The following FGA variants were observed in gnomAD, a reference collection of about 807,000 sequenced individuals.
FGA encodes fibrinogen alpha chain, also known as fibrinogen, A alpha polypeptide.
Under a neutral mutation model 20.3 loss-of-function variants are expected in FGA, and 20 were observed. That is an observed-to-expected ratio of 0.99 (90% CI 0.69 to 1.43). FGA has a LOEUF of 1.43. Ranked by LOEUF, FGA falls within the 40% of genes most tolerant of loss-of-function variation. The pLI, the probability that FGA is intolerant of heterozygous loss-of-function variation, is 0.00. For missense variants in FGA, 777 were observed against 784.7 expected (o/e 0.99, Z 0.12); for synonymous variants, 306 against 281.6 (o/e 1.09, Z -0.87).
chr4:154,583,940 T>C (rs546734699), downstream of FGA: 23 of 612,220 alleles, frequency 3.8e-5, no homozygotes, highest in Admixed American at 8.8e-5. Context: ...AAAAAAAACC[T>C]TACATAACTT....
downstream of FGA, chr4:154,584,761 G>T: frequency 6.2e-7 from 1 of 1,614,074 alleles, no homozygotes; most frequent in Non-Finnish European, 8.5e-7. Context: ...AATCTTACTG[G>T]ATCCCGGTAG....
downstream of FGA, chr4:154,583,930 A>T (rs145679833): frequency 1.7e-3 from 990 of 595,578 alleles, 6 homozygotes; most frequent in African/African-American, 0.015. Context: ...ATTTAAAGAT[A>T]AAAAAAACCT....
In FGA at chr4:154,585,822, A is replaced by T; in HGVS notation, c.1607T>A (p.Met536Lys). 6.2e-7 allele frequency: 1 copy of T among 1,614,112 alleles called. No homozygotes were observed. The highest frequency in any genetic ancestry group is 8.5e-7 in the Non-Finnish European group (1 of 1,179,996). Residue 536 changes from methionine (M) to lysine (K), a missense_variant, in exon 5 of 5, where the codon ATG becomes AAG. Met to Lys is a moderately conservative substitution (Grantham distance 95). Coordinates refer to ENST00000403106, the MANE Select transcript of FGA (RefSeq NM_021871.4). Reference protein sequence around the residue: ...GKTFPGFFSPMLGEFVSETES... With the variant: ...GKTFPGFFSPKLGEFVSETES... ...AGTCTCACTGACAAACTCTCCTAAC[A>T]TAGGTGAGAAGAAACCTGGGAATGT...
chr4:154,589,693 G>T, intron 1 of FGA, 131 bp from the exon 2 acceptor site: 1 of 952,082 alleles, frequency 1.1e-6, no homozygotes, highest in Non-Finnish European at 1.7e-6. Flanking sequence ...CAGACACAGG[G>T]CTTCGGCAAG....
chr4:154,584,198 A>T, downstream of FGA: 1 of 1,611,776 alleles, frequency 6.2e-7, no homozygotes, highest in Middle Eastern at 1.7e-4. Flanking sequence ...AAGGAAACCC[A>T]GACCACTCCA....
rs1730794451 is a variant in FGA, at chr4:154,588,640, C to T, written c.364+153G>A. Among the ~76,000 whole-genome samples the T allele has an allele frequency of 2.0e-5, 3 of 152,008 alleles. 1 individual carries two copies. The South Asian group carries it at 6.2e-4, about 32-fold the overall frequency. On this transcript the variant is annotated intron_variant, in intron 3 of 4. Coordinates refer to ENST00000403106, the MANE Select transcript of FGA (RefSeq NM_021871.4). ...GAAAAAATAACGAAAACAAAAGCTC[C>T]CTCTTAAAATTTTCAGGGATATTAT...
chr4:154,585,772 T>A lies in FGA; in HGVS notation c.1657A>T (p.Ile553Phe). 1 of 1,614,206 alleles carries A rather than the reference T, an allele frequency of 6.2e-7. No individual in the cohort carries two copies. Among genetic ancestry groups the A allele is most frequent in the South Asian group, 1.1e-5 (1 of 91,086 alleles). The change falls in exon 5 of 5, where the codon ATC (isoleucine) becomes TTC (phenylalanine). Residue 553 changes from isoleucine (I) to phenylalanine (F), a missense_variant. Coordinates refer to ENST00000403106, the MANE Select transcript of FGA (RefSeq NM_021871.4). ...ETESRGSESG[I>F]FTNTKESSSH... ...CTGGATTCCTTTGTATTTGTGAAGA[T>A]GCCAGATTCTGAGCCCCTAGACTCA...
At chr4:154,588,684 A>C (rs1178326220) in intron 3 of FGA, 109 bp downstream of exon 3, 5 of 845,720 alleles carry the variant, frequency 5.9e-6, no homozygotes, top group Non-Finnish European at 8.0e-6. Context: ...GTGTTTCTAC[A>C]CTAAGTACTT....
Position 154,586,493 on chromosome 4 carries a change from G to A in FGA, c.936C>T (p.Ser312=). The A allele has an allele frequency of 6.2e-7, 1 of 1,613,944 alleles. No homozygotes were observed. Among genetic ancestry groups the A allele is most frequent in the Non-Finnish European group, 8.5e-7 (1 of 1,180,004 alleles). Residue 312 remains serine (S), a synonymous_variant, in exon 5 of 5, where the codon AGC becomes AGT. Coordinates refer to ENST00000403106, the MANE Select transcript of FGA (RefSeq NM_021871.4). The part of the protein sequence containing the change: ...PGSTGNRNPG[S]SGTGGTATWK... The stretch of plus-strand genomic sequence containing the variant: ...AGGTTGCAGTCCCTCCAGTCCCAGA[G>A]CTCCCAGGGTTTCGGTTTCCAGTAC...
rs1730718395 is a variant in FGA, at chr4:154,586,391, GT to G, written c.1037del (p.Asn346ThrfsTer75). ...SGSSGTGSTG[N>X]QNPGSPRPGS... ...CAGGTCTAGGGCTCCCAGGGTTTTG[GT>G]TTCCAGTACTTCCAGTTCCAGAGCT... On this transcript the variant is annotated frameshift_variant, in exon 5 of 5. Transcript: ENST00000403106. LOFTEE classifies it low-confidence loss of function (END_TRUNC). 1.2e-6 allele frequency: 2 copies of G among 1,613,970 alleles called. No individual in the cohort carries two copies. The highest frequency in any genetic ancestry group is 1.7e-5 in the Admixed American group (1 of 59,996).
At position 154,585,968 on chromosome 4, in the gene FGA, A is replaced by G. The variant is rs1321751819; in HGVS notation, c.1461T>C (p.Asp487=). 1 of 1,614,204 alleles carries G rather than the reference A, an allele frequency of 6.2e-7. No individual in the cohort carries two copies. Among genetic ancestry groups the G allele is most frequent in the Non-Finnish European group, 8.5e-7 (1 of 1,180,036 alleles). ...CCATTGCCTCGGGACAGTCAGAACC[A>G]TCTTCGGAGGTCACCACTTCTTTGG... ...EVTKEVVTSE[D]GSDCPEAMDL... The change falls in exon 5 of 5, where the codon GAT becomes GAC. Residue 487 remains aspartate, a synonymous_variant. Coordinates refer to ENST00000403106, the MANE Select transcript of FGA (RefSeq NM_021871.4).
chr4:154,584,548 A>G (rs1730662429), downstream of FGA: 2 of 1,613,996 alleles, frequency 1.2e-6, no homozygotes, highest in Middle Eastern at 3.3e-4. Context: ...CTCTAATTCA[A>G]CCCTAAGAAC....
Position 154,586,106 on chromosome 4 carries a change from C to T in FGA, c.1323G>A (p.Glu441=), listed in dbSNP as rs1730706427. 4 of 1,614,168 alleles carry T rather than the reference C, an allele frequency of 2.5e-6. No individual in the cohort carries two copies. The South Asian group carries it at 3.3e-5, about 13-fold the overall frequency. ...EKLVTSKGDK[E]LRTGKEKVTS... ...TGACCTTCTCTTTACCAGTCCTGAG[C>T]TCTTTATCTCCTTTAGAAGTGACCA... The change falls in exon 5 of 5, where the codon GAG becomes GAA. Residue 441 remains glutamate (E), a synonymous_variant. Transcript: ENST00000403106.
At chr4:154,585,104 G>C (rs1212253932), downstream of FGA, among the ~76,000 whole-genome samples, 3 of 152,176 alleles carry the variant, frequency 2.0e-5, no homozygotes, top group Admixed American at 6.5e-5. Flanking sequence ...AACCAGTACA[G>C]GTAGCTAAGC....
chr4:154,586,430 G>C lies in FGA; in HGVS notation c.999C>G (p.Ser333Arg), dbSNP rs754059450. ...CAGTTCCAGAGCTCCCAGAGTTCCA[G>C]CTTCCAGTACTTCCAGGTCCAGAGC... ...PGSSGPGSTGSWNSGSSGTGS... is the reference protein window; with the variant it reads ...PGSSGPGSTGRWNSGSSGTGS... The change falls in exon 5 of 5, where the codon AGC becomes AGG. Residue 333 changes from serine to arginine, a missense_variant. Coordinates refer to ENST00000403106, the MANE Select transcript of FGA (RefSeq NM_021871.4). The C allele has an allele frequency of 6.2e-7, 1 of 1,611,412 alleles. No homozygotes were observed. The highest frequency in any genetic ancestry group is 1.3e-5 in the African/African-American group (1 of 74,792).
At chr4:154,587,981 T>C (rs553174354) in intron 3 of FGA, among the ~76,000 whole-genome samples, 2 of 152,314 alleles carry the variant, frequency 1.3e-5, no homozygotes, top group African/African-American at 2.4e-5. Context: ...CAAAGAAATA[T>C]AGAAGAAGAA....
chr4:154,587,403 G>T, intron 4 of FGA, 109 bp downstream of exon 4: 1 of 1,023,672 alleles, frequency 9.8e-7, no homozygotes, highest in Non-Finnish European at 1.5e-6. Flanking sequence ...GGTAGATGAT[G>T]GATATAACAC....
Position 154,586,249 on chromosome 4 carries a change from T to C in FGA, c.1180A>G (p.Arg394Gly). The C allele has an allele frequency of 6.2e-7, 1 of 1,614,108 alleles. No individual in the cohort carries two copies. Among genetic ancestry groups the C allele is most frequent in the South Asian group, 1.1e-5 (1 of 91,076 alleles). Reference protein sequence around the residue: ...GQWHSESGSFRPDSPGSGNAR... With the variant: ...GQWHSESGSFGPDSPGSGNAR... ...TTCCCAGAGCCTGGGCTATCTGGCC[T>C]AAAACTTCCAGATTCAGAGTGCCAT... The change falls in exon 5 of 5, where the codon AGG becomes GGG. Residue 394 changes from arginine (R) to glycine (G), a missense_variant. By Grantham distance (125) the Arg-to-Gly change is moderately radical. Transcript: ENST00000403106.
Position 154,586,428 on chromosome 4 carries a change from C to T in FGA, c.1001G>A (p.Trp334Ter), listed in dbSNP as rs575433349. The T allele has an allele frequency of 3.1e-6, 5 of 1,611,564 alleles. No homozygotes were observed. The highest frequency in any genetic ancestry group is 4.2e-6 in the Non-Finnish European group (5 of 1,178,658). Residue 334 changes from tryptophan to a stop codon, truncating the protein, a stop_gained, in exon 5 of 5, where the codon TGG becomes TAG. Coordinates refer to ENST00000403106, the MANE Select transcript of FGA (RefSeq NM_021871.4). LOFTEE classifies it low-confidence loss of function (END_TRUNC). Reference sequence around the variant, plus strand: ...TCCAGTTCCAGAGCTCCCAGAGTTCCAGCTTCCAGTACTTCCAGGTCCAGA... The same window carrying T: ...TCCAGTTCCAGAGCTCCCAGAGTTCTAGCTTCCAGTACTTCCAGGTCCAGA... ...GSSGPGSTGS[W>*]NSGSSGTGST... is the part of the protein sequence containing the mutation.
Sources: gnomAD v4.1 joint callset for allele counts (sites outside exome capture counted in the v4.1 genomes callset) on GRCh38, gnomAD v4.1.1 for gene constraint, MANE v1.5 for transcripts, NCBI Gene and HGNC (gene_info 2026-07-23, HGNC 2026-07-21) for gene names.